LSAMP: variants seen among roughly 807,000 people sequenced by gnomAD.
LSAMP encodes the protein limbic system-associated membrane protein.
Under a neutral mutation model 38.6 loss-of-function variants are expected in LSAMP, and 7 were observed. The observed-to-expected ratio is 0.18, with a 90% CI of 0.10 to 0.34. The LOEUF (loss-of-function observed/expected upper bound fraction) is 0.34. Ranked by LOEUF, LSAMP falls within the 10% of genes least tolerant of loss-of-function variation. The pLI, the probability that LSAMP is intolerant of heterozygous loss-of-function variation, is 1.00. For missense variants in LSAMP, 313 were observed against 420.0 expected (o/e 0.75, Z 2.23); for synonymous variants, 154 against 166.8 (o/e 0.92, Z 0.59).
At chr3:116,034,031 A>G (rs1424489747) in intron 2 of LSAMP, among the ~76,000 whole-genome samples, 1 of 152,126 alleles carries the variant, frequency 6.6e-6, no homozygotes, top group East Asian at 1.9e-4. Context: ...ACTCTAAGGA[A>G]ATTGAGCACA....
chr3:116,215,935 A>C (rs1288439067), intron 1 of LSAMP, among the ~76,000 whole-genome samples: 1 of 152,222 alleles, frequency 6.6e-6, no homozygotes, highest in African/African-American at 2.4e-5. Context: ...TTACCTACAC[A>C]TTAATATTGT....
intron 1 of LSAMP, among the ~76,000 whole-genome samples, chr3:116,108,920 A>G (rs1708533650): frequency 6.6e-6 from 1 of 152,140 alleles, no homozygotes; most frequent in Non-Finnish European, 1.5e-5. Flanking sequence ...GTTATTGTAC[A>G]CCTTGAAGGT....
chr3:116,369,843 C>T (rs2048406766), intron 1 of LSAMP: 1 of 152,506 alleles, frequency 6.6e-6, no homozygotes, highest in African/African-American at 2.4e-5. Context: ...TGAGAAGAGC[C>T]ACCAGTGGGG....
rs530936737 is a variant in LSAMP at position 116,234,291 on chromosome 3, A to G, written c.156-147735T>C. The stretch of plus-strand genomic sequence containing the variant: ...TAACTTCTCTTGGGATATGAATGTT[A>G]GGAGAAAGAAGAAAGAATGAAAGGG... On this transcript the variant is annotated intron_variant, in intron 1 of 6. Coordinates refer to ENST00000490035, the MANE Select transcript of LSAMP (RefSeq NM_002338.5). 6.6e-5 allele frequency among the ~76,000 whole-genome samples: 10 copies of G among 152,322 alleles called. 1 individual carries two copies. The South Asian group carries it at 2.1e-3, about 32-fold the overall frequency.
At chr3:115,996,633 G>A (rs1345589238) in intron 3 of LSAMP, among the ~76,000 whole-genome samples, 1 of 151,974 alleles carries the variant, frequency 6.6e-6, no homozygotes, top group Non-Finnish European at 1.5e-5. Context: ...ACAGACACTG[G>A]TATGGATGTG....
At chr3:116,062,297 T>A (rs992447613) in intron 2 of LSAMP, among the ~76,000 whole-genome samples, 2 of 152,056 alleles carry the variant, frequency 1.3e-5, no homozygotes, top group Non-Finnish European at 2.9e-5. Context: ...TCACTTGAGG[T>A]CAAGAGTTCG....
At chr3:115,879,938 T>G (rs1936279893) in intron 3 of LSAMP, among the ~76,000 whole-genome samples, 2 of 152,226 alleles carry the variant, frequency 1.3e-5, no homozygotes, top group South Asian at 4.2e-4. Context: ...AAGCTTGGTG[T>G]TTGTGAATCT....
At chr3:115,818,131 C>G (rs1329725286) in intron 6 of LSAMP, among the ~76,000 whole-genome samples, 1 of 152,124 alleles carries the variant, frequency 6.6e-6, no homozygotes, top group Non-Finnish European at 1.5e-5. Flanking sequence ...CCACAATACC[C>G]CTTTGGCAGT....
At chr3:116,321,097 G>A (rs1426740929) in intron 1 of LSAMP, among the ~76,000 whole-genome samples, 1 of 152,132 alleles carries the variant, frequency 6.6e-6, no homozygotes, top group African/African-American at 2.4e-5. Flanking sequence ...TAGTTGCCAG[G>A]CATGGGAGCT....
At chr3:116,086,140 A>T (rs1707983875) in intron 2 of LSAMP, among the ~76,000 whole-genome samples, 184 bp downstream of exon 2, 1 of 151,978 alleles carries the variant, frequency 6.6e-6, no homozygotes, top group African/African-American at 2.4e-5. Flanking sequence ...ACAGGAGTAC[A>T]CTCTCTATAT....
At chr3:115,937,456 C>G (rs1166554877) in intron 3 of LSAMP, among the ~76,000 whole-genome samples, 1 of 150,806 alleles carries the variant, frequency 6.6e-6, no homozygotes, top group African/African-American at 2.4e-5. Flanking sequence ...GCCTGGGCAA[C>G]AAAGTGACAC....
At chr3:116,197,163 A>ACACACTCTCTCTCTCTCTCT (rs1268040540) in intron 1 of LSAMP, among the ~76,000 whole-genome samples, 1 of 139,088 alleles carries the variant, frequency 7.2e-6, no homozygotes, top group African/African-American at 2.6e-5. Flanking sequence ...ACACACACAC[A>ACACACTCTCTCTCTCTCTCT]CTCTCTCTCT....
chr3:116,175,981 A>C (rs1710328599), intron 1 of LSAMP, among the ~76,000 whole-genome samples: 1 of 152,156 alleles, frequency 6.6e-6, no homozygotes, highest in Non-Finnish European at 1.5e-5. Flanking sequence ...AATCGTAAAA[A>C]TTAAGAAGTA....
intron 3 of LSAMP, among the ~76,000 whole-genome samples, chr3:115,993,454 A>G (rs915210128): frequency 2.0e-5 from 3 of 152,072 alleles, no homozygotes; most frequent in African/African-American, 4.8e-5. Flanking sequence ...TATATTTTGT[A>G]TGTTCAGATA....
At chr3:115,967,281 A>G (rs1255208872) in intron 3 of LSAMP, among the ~76,000 whole-genome samples, 2 of 152,180 alleles carry the variant, frequency 1.3e-5, no homozygotes, top group East Asian at 1.9e-4. Context: ...AATGCTGCCA[A>G]TTTCTTTGCT....
chr3:116,282,829 A>G (rs2033697003), intron 1 of LSAMP, among the ~76,000 whole-genome samples: 1 of 151,312 alleles, frequency 6.6e-6, no homozygotes, highest in Admixed American at 6.6e-5. Context: ...ACAGAAGCTG[A>G]TGTCTTTCTG....
At position 116,154,276 on chromosome 3, in the gene LSAMP, T is replaced by A. The variant is rs144413834; in HGVS notation, c.156-67720A>T. Among the ~76,000 whole-genome samples the A allele has an allele frequency of 2.6e-5, 4 of 152,258 alleles. No individual in the cohort carries two copies. In the East Asian group the frequency reaches 7.7e-4, roughly 29 times the overall value. On this transcript the variant is annotated intron_variant, in intron 1 of 6. Coordinates refer to ENST00000490035, the MANE Select transcript of LSAMP (RefSeq NM_002338.5). The stretch of plus-strand genomic sequence containing the variant: ...TGCAAGACCAAAGATTTAATTATGC[T>A]CATTATGCTACTTGGTACACTATGT...
intron 1 of LSAMP, among the ~76,000 whole-genome samples, chr3:116,283,219 G>GA (rs1491566277): frequency 4.0e-5 from 6 of 151,470 alleles, no homozygotes; most frequent in Non-Finnish European, 7.4e-5. Context: ...AGAAAAAAAA[G>GA]AAGAAAGAAA....
intron 1 of LSAMP, among the ~76,000 whole-genome samples, chr3:116,145,267 G>T (rs1709464857): frequency 6.6e-6 from 1 of 151,010 alleles, no homozygotes; most frequent in Non-Finnish European, 1.5e-5. Flanking sequence ...TTCCCATTTT[G>T]TATTAGTCAC....
Sources: gnomAD v4.1 joint callset for allele counts (sites outside exome capture counted in the v4.1 genomes callset) on GRCh38, gnomAD v4.1.1 for gene constraint, MANE v1.5 for transcripts, NCBI Gene and HGNC (gene_info 2026-07-23, HGNC 2026-07-21) for gene names.